The following NFASC variants were observed in gnomAD, a reference collection of about 807,000 sequenced individuals.
NFASC encodes neurofascin, also known as neurofascin homolog.
NFASC carries 43 observed loss-of-function variants against 147.5 expected under a neutral mutation model. The observed-to-expected ratio is 0.29, with a 90% CI of 0.23 to 0.38. NFASC has a LOEUF of 0.38. Ranked by LOEUF, NFASC falls within the 10% of genes least tolerant of loss-of-function variation. The probability of loss-of-function intolerance (pLI) is 1.00; values close to 1 mark genes in which losing one functional copy is unlikely to be tolerated. For synonymous variants in NFASC, 622 were observed against 665.5 expected (o/e 0.93, Z 1.01); for missense variants, 1,320 against 1,689.0 (o/e 0.78, Z 3.83).
At chr1:204,918,268 A>G (rs977744350) in intron 1 of NFASC, among the ~76,000 whole-genome samples, 1 of 152,220 alleles carries the variant, frequency 6.6e-6, no homozygotes, top group Non-Finnish European at 1.5e-5. Flanking sequence ...ATCTAAGGCT[A>G]GCTTGTCCAG....
Position 204,987,246 on chromosome 1 carries a change from G to T in NFASC, c.2471-172G>T. 1.6e-6 allele frequency: 1 copy of T among 621,860 alleles called. No individual in the cohort carries two copies. Among genetic ancestry groups the T allele is most frequent in the Admixed American group, 2.8e-5 (1 of 35,646 alleles). The allele number at this position is 621,860 out of a possible 1,614,324, so 38.5% of individuals were successfully genotyped here. A position where few individuals can be genotyped will look rare whatever the true frequency, so the allele number is the denominator to read the frequency against. Reference sequence around the variant, plus strand: ...CCTGAAGGAAATAGCATCCTGGATGGGGCAATGGGCTCCGGTCGTCTCACG... The same window carrying T: ...CCTGAAGGAAATAGCATCCTGGATGTGGCAATGGGCTCCGGTCGTCTCACG... On this transcript the variant is annotated intron_variant, in intron 21 of 29. Transcript: ENST00000339876. The surrounding 1 kb of genome is among the most constrained non-coding windows in gnomAD (Gnocchi z 4.4).
intron 1 of NFASC, among the ~76,000 whole-genome samples, chr1:204,916,954 T>C: frequency 6.6e-6 from 1 of 152,194 alleles, no homozygotes; most frequent in South Asian, 2.1e-4. Context: ...CGGTGGCACA[T>C]GCCTATAATC....
intron 1 of NFASC, among the ~76,000 whole-genome samples, chr1:204,875,767 G>A (rs2078658491): frequency 6.6e-6 from 1 of 152,148 alleles, no homozygotes; most frequent in Non-Finnish European, 1.5e-5. Context: ...GAAGCCAACG[G>A]TAGATACCAG....
chr1:204,849,068 A>T (rs1474962891), intron 1 of NFASC, among the ~76,000 whole-genome samples: 1 of 152,190 alleles, frequency 6.6e-6, no homozygotes, highest in Non-Finnish European at 1.5e-5. Flanking sequence ...CTGTTAATAG[A>T]TTGGTGTCTA....
intron 12 of NFASC, among the ~76,000 whole-genome samples, chr1:204,973,858 A>G (rs2095330145): frequency 1.3e-5 from 2 of 152,130 alleles, no homozygotes; most frequent in Non-Finnish European, 2.9e-5. Context: ...CCCGCTGGGC[A>G]GGGAGATGGT....
chr1:204,922,390 A>T (rs1250822222), intron 2 of NFASC, among the ~76,000 whole-genome samples: 14 of 152,124 alleles, frequency 9.2e-5, no homozygotes, highest in African/African-American at 3.4e-4. Flanking sequence ...ACCAGAATAG[A>T]TTCGTTCTGG....
In NFASC at chr1:204,962,134, A is replaced by G. The variant is rs1448688426; in HGVS notation, c.706+4308A>G. ...CCACCCTTATAATGACTCGTCCTTAAGAAACCACCCTGACATGTACAGTGG... is the reference window on the plus strand; with the variant it reads ...CCACCCTTATAATGACTCGTCCTTAGGAAACCACCCTGACATGTACAGTGG... On this transcript the variant is annotated intron_variant, in intron 8 of 29. Coordinates refer to ENST00000339876, the MANE Select transcript of NFASC (RefSeq NM_001005388.3). 3.1e-6 allele frequency: 5 copies of G among 1,613,868 alleles called. No individual in the cohort carries two copies. In the Admixed American group the frequency reaches 5.0e-5, roughly 16 times the overall value.
At position 204,987,680 on chromosome 1, in the gene NFASC, T is replaced by C; in HGVS notation, c.2593+140T>C. The C allele has an allele frequency of 1.1e-6, 1 of 923,270 alleles. No individual in the cohort carries two copies. The highest frequency in any genetic ancestry group is 1.7e-6 in the Non-Finnish European group (1 of 593,180). 57.2% of individuals were successfully genotyped at this position (923,270 alleles called of 1,614,324 possible). On this transcript the variant is annotated intron_variant, in intron 22 of 29. Transcript: ENST00000339876. The surrounding 1 kb of genome is among the most constrained non-coding windows in gnomAD (Gnocchi z 4.4). ...GGGATGGAGGGGCCAACGAAACAGT[T>C]CCCAATAGGATTAGGGGAGGCAGAT...
intron 2 of NFASC, among the ~76,000 whole-genome samples, chr1:204,925,862 G>A (rs2091403862): frequency 6.6e-6 from 1 of 152,198 alleles, no homozygotes. Context: ...ATTTCAAATG[G>A]ACAGCCCACT....
intron 2 of NFASC, among the ~76,000 whole-genome samples, chr1:204,938,953 T>C (rs1034292669): frequency 1.3e-5 from 2 of 152,016 alleles, no homozygotes; most frequent in Non-Finnish European, 2.9e-5. Flanking sequence ...CCAATGCCAT[T>C]TGGAGTTTTT....
At chr1:204,977,000 T>C (rs984298008) in intron 16 of NFASC, 37 of 1,320,900 alleles carry the variant, frequency 2.8e-5, no homozygotes, top group Non-Finnish European at 3.4e-5. Context: ...ACCTCCTGAG[T>C]GGAGTCATTA....
Position 204,975,543 on chromosome 1 carries a change from T to C in NFASC, c.1706+125T>C. On this transcript the variant is annotated intron_variant, in intron 15 of 29. Transcript: ENST00000339876. The surrounding 1 kb of genome is among the most constrained non-coding windows in gnomAD (Gnocchi z 4.0). ...CGTGTCATGCATGTCACCAAGGAGC[T>C]TCTGCAGAGGGGGTGATGGCCTGGG... 1 of 1,315,740 alleles carries C rather than the reference T, an allele frequency of 7.6e-7. No individual in the cohort carries two copies. Among genetic ancestry groups the C allele is most frequent in the Non-Finnish European group, 1.1e-6 (1 of 939,708 alleles). 81.5% of individuals were successfully genotyped at this position (1,315,740 alleles called of 1,614,324 possible).
chr1:204,906,905 C>A lies in NFASC; in HGVS notation c.-199-13727C>A, dbSNP rs12072308. 5.9e-5 allele frequency among the ~76,000 whole-genome samples: 9 copies of A among 151,428 alleles called. No homozygotes were observed. In the South Asian group the frequency reaches 8.3e-4, roughly 14 times the overall value. ...TCACCATGTTAGCCAGGATGGTCTG[C>A]ATCTCCTGACCTTGTGATCCGCCCG... On this transcript the variant is annotated intron_variant, in intron 1 of 29. Transcript: ENST00000339876.
intron 20 of NFASC, 89 bp downstream of exon 20, chr1:204,980,529 C>T (rs2095491984): frequency 1.2e-5 from 12 of 974,502 alleles, no homozygotes; most frequent in Non-Finnish European, 1.4e-5. Flanking sequence ...CACTACGAGG[C>T]CATGATGTGG....
intron 1 of NFASC, among the ~76,000 whole-genome samples, chr1:204,841,242 C>T (rs1315085740): frequency 2.0e-5 from 3 of 152,232 alleles, no homozygotes; most frequent in Admixed American, 6.5e-5. Flanking sequence ...TCCCATTACA[C>T]TGAGAAAATG....
intron 1 of NFASC, among the ~76,000 whole-genome samples, chr1:204,917,288 A>G (rs528867944): frequency 2.0e-5 from 3 of 152,352 alleles, no homozygotes; most frequent in African/African-American, 4.8e-5. Flanking sequence ...AATGTCTATC[A>G]TTCAGAAGAA....
intron 1 of NFASC, among the ~76,000 whole-genome samples, chr1:204,905,466 G>A (rs576804635): frequency 3.4e-4 from 51 of 151,704 alleles, no homozygotes; most frequent in African/African-American, 1.2e-3. Flanking sequence ...GACTTTGAAC[G>A]TCTTTTTATA....
At chr1:204,911,982 A>T (rs1036929173) in intron 1 of NFASC, among the ~76,000 whole-genome samples, 1 of 152,266 alleles carries the variant, frequency 6.6e-6, no homozygotes, top group Non-Finnish European at 1.5e-5. Context: ...GGCATCCCTC[A>T]TTCATTCTTG....
intron 1 of NFASC, among the ~76,000 whole-genome samples, chr1:204,845,295 CA>C (rs35773017): frequency 9.9e-4 from 139 of 140,494 alleles, no homozygotes; most frequent in Non-Finnish European, 1.1e-3. Context: ...TACTAAAATA[CA>C]AAAAAAAAAA....
Sources: allele counts gnomAD v4.1 joint callset (sites outside exome capture counted in the v4.1 genomes callset), GRCh38; gene constraint gnomAD v4.1.1; non-coding constraint Gnocchi (gnomAD v3.1); transcripts MANE v1.5; gene names NCBI Gene and HGNC (gene_info 2026-07-23, HGNC 2026-07-21).